PRICKLE2: variants seen among roughly 807,000 people sequenced by gnomAD.
PRICKLE2 encodes prickle planar cell polarity protein 2, also known as prickle-like protein 2.
A neutral mutation model predicts 81.4 loss-of-function variants in PRICKLE2; 21 were observed. That is an observed-to-expected ratio of 0.26 (90% CI 0.18 to 0.37). PRICKLE2 has a LOEUF of 0.37. PRICKLE2 is among the 10% of genes least tolerant of loss of function. The pLI is 1.00. For synonymous variants in PRICKLE2, 456 were observed against 421.5 expected (o/e 1.08, Z -1.00); for missense variants, 940 against 1,109.0 (o/e 0.85, Z 2.16).
At chr3:64,119,427 A>G (rs1050167350) in intron 7 of PRICKLE2, among the ~76,000 whole-genome samples, 2 of 152,242 alleles carry the variant, frequency 1.3e-5, no homozygotes, top group African/African-American at 2.4e-5. Context: ...AAAAGAACAC[A>G]TACGAGCTAC....
chr3:64,163,203 T>C, intron 2 of PRICKLE2, 74 bp from the exon 3 acceptor site: 1 of 890,666 alleles, frequency 1.1e-6, no homozygotes, highest in Non-Finnish European at 1.9e-6. Context: ...ACTGGGAAGA[T>C]GATTCCCCCA....
intron 2 of PRICKLE2, among the ~76,000 whole-genome samples, chr3:64,248,168 C>T (rs1006643285): frequency 8.5e-5 from 13 of 152,190 alleles, no homozygotes; most frequent in African/African-American, 1.2e-4. Flanking sequence ...ATAATTCACT[C>T]AACGTTAGTT....
intron 2 of PRICKLE2, among the ~76,000 whole-genome samples, chr3:64,240,177 G>C (rs2079243218): frequency 6.6e-6 from 1 of 151,980 alleles, no homozygotes. Flanking sequence ...TTCCATCCTA[G>C]GATTGAGTCG....
intron 1 of PRICKLE2, among the ~76,000 whole-genome samples, chr3:64,204,628 A>G (rs146595257): frequency 6.6e-6 from 1 of 152,250 alleles, no homozygotes; most frequent in East Asian, 1.9e-4. Flanking sequence ...GGAGGGGGGA[A>G]GAAAAGGAAA....
At chr3:64,195,086 T>A (rs145483155) in intron 2 of PRICKLE2, among the ~76,000 whole-genome samples, 24 of 152,228 alleles carry the variant, frequency 1.6e-4, no homozygotes, top group African/African-American at 5.8e-4. Context: ...CTTCAGATGA[T>A]CAACTAGGGG....
At chr3:64,172,395 G>A (rs1325120372) in intron 2 of PRICKLE2, among the ~76,000 whole-genome samples, 2 of 152,180 alleles carry the variant, frequency 1.3e-5, no homozygotes, top group Non-Finnish European at 1.5e-5. Flanking sequence ...AAAAAAGAAG[G>A]ATGGCAGTTT....
At chr3:64,199,300 C>T (rs889830804) in intron 1 of PRICKLE2, 3 of 426,512 alleles carry the variant, frequency 7.0e-6, no homozygotes, top group South Asian at 6.6e-5. Context: ...TGGATATGGC[C>T]CATGACCACA....
At chr3:64,129,017 G>A (rs909231822) in intron 7 of PRICKLE2, among the ~76,000 whole-genome samples, 1 of 151,892 alleles carries the variant, frequency 6.6e-6, no homozygotes, top group African/African-American at 2.4e-5. Context: ...AGCATCCTTG[G>A]CCTCTACCCA....
chr3:64,261,904 A>G (rs541859036), intron 2 of PRICKLE2, among the ~76,000 whole-genome samples: 1 of 152,326 alleles, frequency 6.6e-6, no homozygotes, highest in East Asian at 1.9e-4. Flanking sequence ...ATGTGATTTA[A>G]GCTTCAGAAC....
intron 7 of PRICKLE2, among the ~76,000 whole-genome samples, chr3:64,114,105 T>G (rs1307925494): frequency 6.6e-6 from 1 of 151,730 alleles, no homozygotes; most frequent in East Asian, 1.9e-4. Flanking sequence ...GGGAGCTGGG[T>G]GTTGGCCCCC....
At chr3:64,126,797 C>T (rs376266993) in intron 7 of PRICKLE2, among the ~76,000 whole-genome samples, 1 of 152,050 alleles carries the variant, frequency 6.6e-6, no homozygotes, top group Non-Finnish European at 1.5e-5. Context: ...AGACTGGTCT[C>T]GAACTCCTGG....
At chr3:64,215,237 C>T (rs749688451) in intron 1 of PRICKLE2, among the ~76,000 whole-genome samples, 1 of 152,140 alleles carries the variant, frequency 6.6e-6, no homozygotes, top group African/African-American at 2.4e-5. Context: ...CCATCTTGTT[C>T]CAGCCTCAGC....
At chr3:64,162,598 A>G (rs1174711625) in intron 3 of PRICKLE2, among the ~76,000 whole-genome samples, 3 of 152,236 alleles carry the variant, frequency 2.0e-5, no homozygotes, top group Non-Finnish European at 4.4e-5. Flanking sequence ...CGCTCATTTA[A>G]TATGAAATGA....
chr3:64,232,255 G>C (rs988774667), intron 2 of PRICKLE2, among the ~76,000 whole-genome samples: 4 of 152,212 alleles, frequency 2.6e-5, no homozygotes, highest in Admixed American at 6.5e-5. Context: ...CCTAAGAGCA[G>C]AGACCATGCC....
At chr3:64,210,626 G>C (rs577360526) in intron 1 of PRICKLE2, among the ~76,000 whole-genome samples, 1 of 152,270 alleles carries the variant, frequency 6.6e-6, no homozygotes, top group East Asian at 1.9e-4. Flanking sequence ...AGGGGCAGTT[G>C]TTTCCTCTTT....
At chr3:64,143,229 T>G (rs953484545) in intron 7 of PRICKLE2, among the ~76,000 whole-genome samples, 6 of 152,228 alleles carry the variant, frequency 3.9e-5, no homozygotes, top group African/African-American at 1.4e-4. Context: ...CTAGTGCAAC[T>G]AATGGCCTGA....
At chr3:64,149,518 T>C (rs1007445467) in intron 6 of PRICKLE2, among the ~76,000 whole-genome samples, 1 of 152,218 alleles carries the variant, frequency 6.6e-6, no homozygotes, top group Non-Finnish European at 1.5e-5. Context: ...CCTCAAGCTA[T>C]GACTGTAGGG....
At chr3:64,251,426 T>C (rs2107180460) in intron 2 of PRICKLE2, among the ~76,000 whole-genome samples, 1 of 152,274 alleles carries the variant, frequency 6.6e-6, no homozygotes, top group South Asian at 2.1e-4. Flanking sequence ...TTACTGGTTC[T>C]TTGTCAGTGG....
chr3:64,201,947 CAT>C (rs1378057264), intron 1 of PRICKLE2, among the ~76,000 whole-genome samples: 3 of 152,128 alleles, frequency 2.0e-5, no homozygotes, highest in Admixed American at 2.0e-4. Flanking sequence ...CCTTCATTCT[CAT>C]GTGGCTATCC....
Sources: allele counts gnomAD v4.1 joint callset (sites outside exome capture counted in the v4.1 genomes callset), GRCh38; gene constraint gnomAD v4.1.1; transcripts MANE v1.5; gene names NCBI Gene and HGNC (gene_info 2026-07-23, HGNC 2026-07-21).